The following SNRNP200 variants were observed in gnomAD, a reference collection of about 807,000 sequenced individuals.
The protein encoded by SNRNP200 is small nuclear ribonucleoprotein U5 subunit 200.
A neutral mutation model predicts 255.2 loss-of-function variants in SNRNP200; 66 were observed. That is an observed-to-expected ratio of 0.26 (90% CI 0.21 to 0.32). SNRNP200 has a LOEUF of 0.32. SNRNP200 is among the 10% of genes least tolerant of loss of function. SNRNP200 has a pLI of 1.00. For synonymous variants in SNRNP200, 939 were observed against 1,027.8 expected (o/e 0.91, Z 1.65); for missense variants, 1,585 against 2,749.8 (o/e 0.58, Z 9.47).
intron 12 of SNRNP200, 103 bp from the exon 13 acceptor site, chr2:96,296,794 G>A: frequency 6.4e-7 from 1 of 1,552,536 alleles, no homozygotes; most frequent in South Asian, 1.1e-5. Flanking sequence ...GCTTGTCCTG[G>A]GCACTTTATC....
At position 96,291,626 on chromosome 2, in the gene SNRNP200, A is replaced by G; in HGVS notation, c.2311-124T>C. 7.7e-7 allele frequency: 1 copy of G among 1,302,814 alleles called. No individual in the cohort carries two copies. Among genetic ancestry groups the G allele is most frequent in the East Asian group, 2.3e-5 (1 of 43,470 alleles). 80.7% of individuals were successfully genotyped at this position (1,302,814 alleles called of 1,614,324 possible). The stretch of plus-strand genomic sequence containing the variant: ...ATGTGGAATAGTAATAATCACATCC[A>G]GACAATCAACCTTAACCCATGGGAA... On this transcript the variant is annotated intron_variant, in intron 17 of 44. Transcript: ENST00000323853. The surrounding 1 kb of genome is among the most constrained non-coding windows in gnomAD (Gnocchi z 4.2).
intron 21 of SNRNP200, 152 bp from the exon 22 acceptor site, chr2:96,289,531 G>A: frequency 1.1e-6 from 1 of 880,354 alleles, no homozygotes; most frequent in Non-Finnish European, 1.8e-6. Context: ...AGGACAACTG[G>A]ATGAAGTCAC....
chr2:96,301,789 C>T (rs1463605699), intron 3 of SNRNP200, 73 bp from the exon 4 acceptor site: 11 of 1,547,892 alleles, frequency 7.1e-6, no homozygotes, highest in East Asian at 2.2e-5. Flanking sequence ...GTGTATGTGG[C>T]GGCAGGATGT....
intron 3 of SNRNP200, 136 bp from the exon 4 acceptor site, chr2:96,301,852 A>C: frequency 3.5e-6 from 3 of 851,040 alleles, no homozygotes; most frequent in Non-Finnish European, 5.8e-6. Context: ...GACCTTTCTC[A>C]TTAATGCTGA....
At chr2:96,288,450 C>T (rs1029447962) in intron 24 of SNRNP200, among the ~76,000 whole-genome samples, 10 of 151,772 alleles carry the variant, frequency 6.6e-5, no homozygotes, top group African/African-American at 2.2e-4. Context: ...TCGAAGCATT[C>T]CCTCTTAAGG....
At chr2:96,294,563 A>G (rs2104354022) in intron 14 of SNRNP200, among the ~76,000 whole-genome samples, 1 of 152,338 alleles carries the variant, frequency 6.6e-6, no homozygotes, top group East Asian at 1.9e-4. Context: ...GGGTGTAACT[A>G]TGTTCCAACA....
intron 3 of SNRNP200, 44 bp from the exon 4 acceptor site, chr2:96,301,760 G>A: frequency 6.9e-6 from 11 of 1,605,690 alleles, no homozygotes; most frequent in Non-Finnish European, 9.4e-6. Flanking sequence ...ACGACGACAG[G>A]CAAAACATCT....
Position 96,285,395 on chromosome 2 carries a change from C to T in SNRNP200, c.4004-55G>A, listed in dbSNP as rs181179031. Reference sequence around the variant, plus strand: ...GTATCAAGAAGGAAGAAGAGACGGACTGGGACATGGATCAATTGTCAAAAC... The same window carrying T: ...GTATCAAGAAGGAAGAAGAGACGGATTGGGACATGGATCAATTGTCAAAAC... On this transcript the variant is annotated intron_variant, in intron 29 of 44. Transcript: ENST00000323853. 1,738 of 1,575,102 alleles carry T rather than the reference C, an allele frequency of 1.1e-3. 5 individuals carry two copies. Among genetic ancestry groups the T allele is most frequent in the Admixed American group, 3.4e-3 (203 of 59,960 alleles).
intron 35 of SNRNP200, 102 bp from the exon 36 acceptor site, chr2:96,279,661 G>A (rs533570413): frequency 1.8e-5 from 13 of 722,844 alleles, no homozygotes; most frequent in African/African-American, 8.7e-5. Context: ...ATGTTAATAC[G>A]GGGAGACACG....
Position 96,296,633 on chromosome 2 carries a change from A to G in SNRNP200, c.1574T>C (p.Ile525Thr). The G allele has an allele frequency of 6.2e-7, 1 of 1,614,124 alleles. No individual in the cohort carries two copies. Among genetic ancestry groups the G allele is most frequent in the Non-Finnish European group, 8.5e-7 (1 of 1,180,012 alleles). The change falls in exon 13 of 45, where the codon ATA becomes ACA. Residue 525 changes from isoleucine (I) to threonine (T), a missense_variant. Physicochemically the swap from Ile to Thr is moderately conservative, Grantham distance 89. Transcript: ENST00000323853. ...MCMLREIGKH[I>T]NMDGTINVDD... is the part of the protein sequence containing the mutation. ...CACATTGATGGTGCCGTCCATGTTT[A>G]TGTGTTTCCCAATCTCTCGGAGCAT...
Position 96,275,024 on chromosome 2 carries a change from ACTGT to A in SNRNP200, c.6395_6398del (p.Asp2132ValfsTer7). On this transcript the variant is annotated frameshift_variant, in exon 45 of 45. Transcript: ENST00000323853. LOFTEE classifies it high-confidence loss of function. The stretch of plus-strand genomic sequence containing the variant: ...AATGCCTCAGGACTCAATCTGAATC[ACTGT>A]CTGTCTCAGCTTCTTTCACATCCAC... The A allele has an allele frequency of 6.2e-7, 1 of 1,614,188 alleles. No individual in the cohort carries two copies. The highest frequency in any genetic ancestry group is 8.5e-7 in the Non-Finnish European group (1 of 1,180,048).
intron 14 of SNRNP200, 38 bp from the exon 15 acceptor site, chr2:96,293,547 G>C: frequency 2.6e-6 from 4 of 1,565,916 alleles, no homozygotes; most frequent in Non-Finnish European, 3.5e-6. Flanking sequence ...TCTAGCACTA[G>C]AGATACATAG....
Position 96,275,301 on chromosome 2 carries a change from T to C in SNRNP200, c.6223A>G (p.Ser2075Gly). The C allele has an allele frequency of 6.2e-7, 1 of 1,614,104 alleles. No homozygotes were observed. Among genetic ancestry groups the C allele is most frequent in the Non-Finnish European group, 8.5e-7 (1 of 1,180,044 alleles). Reference sequence around the variant, plus strand: ...GTCAGCCTCTTGATGGAGATGAGGCTATTGGACTTGGCATCTCCAATCACC... The same window carrying C: ...GTCAGCCTCTTGATGGAGATGAGGCCATTGGACTTGGCATCTCCAATCACC... ...WVVIGDAKSN[S>G]LISIKRLTLQ... is the part of the protein sequence containing the mutation. Residue 2075 changes from serine to glycine, a missense_variant, in exon 44 of 45, where the codon AGC becomes GGC. Transcript: ENST00000323853.
In SNRNP200 at chr2:96,283,113, G is replaced by C. The variant is rs1443829123; in HGVS notation, c.4915+88C>G. On this transcript the variant is annotated intron_variant, in intron 34 of 44. Transcript: ENST00000323853. The surrounding 1 kb of genome is among the most constrained non-coding windows in gnomAD (Gnocchi z 4.7). ...TTTTGAAAATCTCTGGTATGCTGTA[G>C]AGAAAACACTGCCACCCGCACCCCT... The C allele has an allele frequency of 6.6e-7, 1 of 1,517,396 alleles. No individual in the cohort carries two copies. Among genetic ancestry groups the C allele is most frequent in the East Asian group, 2.2e-5 (1 of 44,470 alleles). The allele number at this position is 1,517,396 out of a possible 1,614,324, so 94.0% of individuals were successfully genotyped here. A position where few individuals can be genotyped will look rare whatever the true frequency, so the allele number is the denominator to read the frequency against.
intron 3 of SNRNP200, among the ~76,000 whole-genome samples, chr2:96,302,309 A>T (rs2063958500): frequency 6.6e-6 from 1 of 152,226 alleles, no homozygotes. Flanking sequence ...CTCAGTAAAT[A>T]TAAGCCACTT....
intron 11 of SNRNP200, 65 bp from the exon 12 acceptor site, chr2:96,297,135 G>C: frequency 6.2e-7 from 1 of 1,610,228 alleles, no homozygotes; most frequent in South Asian, 1.1e-5. Context: ...GTTATTGTGG[G>C]ATTGCCAGGA....
Position 96,278,071 on chromosome 2 carries a change from G to A in SNRNP200, c.5611-121C>T, listed in dbSNP as rs1684699359. 31 of 1,534,960 alleles carry A rather than the reference G, an allele frequency of 2.0e-5. No homozygotes were observed. In the South Asian group the frequency reaches 3.5e-4, roughly 17 times the overall value. ...CTTCAACACCCTGAGGCATGTGGGT[G>A]GTAATGGGATGGAGATGGGTTTGAG... On this transcript the variant is annotated intron_variant, in intron 39 of 44. Transcript: ENST00000323853. The surrounding 1 kb of genome is among the most constrained non-coding windows in gnomAD (Gnocchi z 6.9).
intron 36 of SNRNP200, 167 bp downstream of exon 36, chr2:96,279,268 CAGCAGCAAAAGCAAAA>C: frequency 1.5e-6 from 1 of 668,306 alleles, no homozygotes; most frequent in African/African-American, 1.8e-5. Flanking sequence ...GAGCCAACGG[CAGCAGCAAAAGCAAAA>C]GGCAGCAAAA....
chr2:96,297,351 C>CT lies in SNRNP200; in HGVS notation c.1377+11_1377+12insA. On this transcript the variant is annotated intron_variant, in intron 11 of 44. Coordinates refer to ENST00000323853, the MANE Select transcript of SNRNP200 (RefSeq NM_014014.5). ...GAACTGAGCAGAGAACTGAAGAAAG[C>CT]AATTCACTTACTTCTTCTGAGCCAA... The CT allele has an allele frequency of 1.2e-6, 2 of 1,612,830 alleles. No individual in the cohort carries two copies. The highest frequency in any genetic ancestry group is 2.2e-5 in the South Asian group (2 of 91,024).
Sources: allele counts gnomAD v4.1 joint callset (sites outside exome capture counted in the v4.1 genomes callset), GRCh38; gene constraint gnomAD v4.1.1; non-coding constraint Gnocchi (gnomAD v3.1); transcripts MANE v1.5; gene names NCBI Gene and HGNC (gene_info 2026-07-23, HGNC 2026-07-21).